ABI1: variants seen among roughly 807,000 people sequenced by gnomAD.
ABI1 encodes the protein abl interactor 1.
Under a neutral mutation model 54.6 loss-of-function variants are expected in ABI1, and 14 were observed. That is an observed-to-expected ratio of 0.26 (90% confidence interval 0.17 to 0.40). The LOEUF is 0.40. ABI1 is among the 10% of genes least tolerant of loss of function. The pLI, the probability that ABI1 is intolerant of heterozygous loss-of-function variation, is 1.00. For missense variants in ABI1, 443 were observed against 598.3 expected (o/e 0.74, Z 2.71); for synonymous variants, 194 against 209.3 (o/e 0.93, Z 0.63).
chr10:26,819,293 A>G (rs780357471), intron 2 of ABI1, among the ~76,000 whole-genome samples: 2 of 152,228 alleles, frequency 1.3e-5, no homozygotes, highest in African/African-American at 2.4e-5. Context: ...GGTTGTATTC[A>G]TATCAGACAA....
At chr10:26,811,020 CT>C (rs1485329334) in intron 2 of ABI1, among the ~76,000 whole-genome samples, 1 of 151,888 alleles carries the variant, frequency 6.6e-6, no homozygotes, top group Non-Finnish European at 1.5e-5. Context: ...TTTAGAGTAT[CT>C]TTTATTTAAT....
At position 26,748,545 on chromosome 10, in the gene ABI1, A is replaced by C; in HGVS notation, c.*25T>G. ...CCCACAGTATGACTGAGTAATAAGA[A>C]TCTACTTCAAAAGAAAAAAAAAAAT... On this transcript the variant is annotated 3_prime_UTR_variant, in exon 11 of 11. Coordinates refer to ENST00000376140, the MANE Select transcript of ABI1 (RefSeq NM_001012750.3). 6.4e-7 allele frequency: 1 copy of C among 1,554,632 alleles called. No homozygotes were observed. Among genetic ancestry groups the C allele is most frequent in the African/African-American group, 1.4e-5 (1 of 73,386 alleles).
intron 3 of ABI1, 37 bp downstream of exon 3, chr10:26,777,028 T>C (rs748216363): frequency 6.7e-7 from 1 of 1,496,226 alleles, no homozygotes; most frequent in East Asian, 2.3e-5. Flanking sequence ...TTACTGGATA[T>C]GCAAATTAGC....
intron 3 of ABI1, among the ~76,000 whole-genome samples, chr10:26,776,161 G>A (rs990996227): frequency 1.3e-5 from 2 of 152,144 alleles, no homozygotes; most frequent in African/African-American, 4.8e-5. Flanking sequence ...AAAGTGAAGA[G>A]GAGATTCCAA....
intron 1 of ABI1, among the ~76,000 whole-genome samples, chr10:26,843,560 GA>G (rs1564574301): frequency 7.7e-6 from 1 of 130,034 alleles, no homozygotes; most frequent in African/African-American, 2.8e-5. Flanking sequence ...ACTATAAAAG[GA>G]ATGTATTGCA....
At chr10:26,846,949 A>G (rs2050028895) in intron 1 of ABI1, among the ~76,000 whole-genome samples, 1 of 152,200 alleles carries the variant, frequency 6.6e-6, no homozygotes, top group Non-Finnish European at 1.5e-5. Flanking sequence ...CACCTGATGT[A>G]TACTTTCATG....
intron 2 of ABI1, among the ~76,000 whole-genome samples, chr10:26,818,631 C>CAAAAAAAAAAAAAAAAAAAAAAAAAAA (rs376157276): frequency 2.7e-5 from 2 of 73,090 alleles, no homozygotes; most frequent in African/African-American, 1.1e-4. Flanking sequence ...GACCCCGTCA[C>CAAAAAAAAAAAAAAAAAAAAAAAAAAA]AAAAAAAAAA....
At chr10:26,857,636 T>A (rs1300214648) in intron 1 of ABI1, among the ~76,000 whole-genome samples, 8 of 132,680 alleles carry the variant, frequency 6.0e-5, no homozygotes, top group African/African-American at 2.4e-4. Context: ...AGAGCAAGAC[T>A]GTGTCTCAAA....
chr10:26,817,203 T>C (rs1386452717), intron 2 of ABI1, among the ~76,000 whole-genome samples: 1 of 152,130 alleles, frequency 6.6e-6, no homozygotes, highest in Non-Finnish European at 1.5e-5. Flanking sequence ...TTTCACCATG[T>C]TGGCCAGGCT....
chr10:26,765,320 T>C lies in ABI1; in HGVS notation c.720-2A>G, dbSNP rs750324161. 1.3e-6 allele frequency: 2 copies of C among 1,567,634 alleles called. No homozygotes were observed. The highest frequency in any genetic ancestry group is 1.7e-4 in the Middle Eastern group (1 of 5,952). ...CTTCCACTTCCTCCACTACTTCCACTGAAAAGAAAAAAAAAAACTGTGAAA... is the reference window on the plus strand; with the variant it reads ...CTTCCACTTCCTCCACTACTTCCACCGAAAAGAAAAAAAAAAACTGTGAAA... On this transcript the variant is annotated splice_acceptor_variant, in intron 6 of 10. Transcript: ENST00000376140. LOFTEE classifies it high-confidence loss of function.
At chr10:26,816,955 T>A (rs1461680400) in intron 2 of ABI1, among the ~76,000 whole-genome samples, 1 of 151,644 alleles carries the variant, frequency 6.6e-6, no homozygotes, top group African/African-American at 2.4e-5. Context: ...TAGGTTCTAT[T>A]ATATTTTTCC....
chr10:26,813,127 T>C lies in ABI1; in HGVS notation c.285+10011A>G, dbSNP rs557188425. Among the ~76,000 whole-genome samples, 10 of 152,120 alleles carry C rather than the reference T, an allele frequency of 6.6e-5. No individual in the cohort carries two copies. In the East Asian group the frequency reaches 1.9e-3, roughly 29 times the overall value. On this transcript the variant is annotated intron_variant, in intron 2 of 10. Transcript: ENST00000376140. Reference sequence around the variant, plus strand: ...ACCTAGGTGTGGTGGTGCACACCTGTAATCCTAGCTACTTGGGAGGCTGAG... The same window carrying C: ...ACCTAGGTGTGGTGGTGCACACCTGCAATCCTAGCTACTTGGGAGGCTGAG...
intron 6 of ABI1, among the ~76,000 whole-genome samples, chr10:26,766,658 G>A (rs1341404784): frequency 2.6e-5 from 4 of 152,132 alleles, no homozygotes; most frequent in Admixed American, 2.6e-4. Context: ...CTGCATCATA[G>A]ACATATGAAT....
chr10:26,835,593 T>A (rs920166126), intron 1 of ABI1, among the ~76,000 whole-genome samples: 4 of 147,406 alleles, frequency 2.7e-5, no homozygotes, highest in Admixed American at 6.8e-5. Context: ...AAAAAAAAAA[T>A]TATTCTATAC....
At chr10:26,829,522 C>T (rs776662777) in intron 1 of ABI1, among the ~76,000 whole-genome samples, 3 of 152,130 alleles carry the variant, frequency 2.0e-5, no homozygotes, top group Non-Finnish European at 2.9e-5. Context: ...ATTAGCTTAA[C>T]TTAGACATTC....
intron 2 of ABI1, among the ~76,000 whole-genome samples, chr10:26,787,536 CACA>C (rs1041079083): frequency 1.2e-4 from 19 of 152,224 alleles, no homozygotes; most frequent in African/African-American, 4.1e-4. Flanking sequence ...AAGTCCAAAA[CACA>C]ACATGTCCAG....
At chr10:26,809,517 C>T (rs890256912) in intron 2 of ABI1, among the ~76,000 whole-genome samples, 2 of 151,960 alleles carry the variant, frequency 1.3e-5, no homozygotes, top group African/African-American at 2.4e-5. Flanking sequence ...ATGATCACAC[C>T]ATTGCACACC....
At chr10:26,749,685 T>C (rs1421636653) in intron 10 of ABI1, among the ~76,000 whole-genome samples, 2 of 152,198 alleles carry the variant, frequency 1.3e-5, no homozygotes, top group African/African-American at 4.8e-5. Flanking sequence ...TATATTCACT[T>C]CCTTTGCAAA....
chr10:26,797,904 A>G (rs996932694), intron 2 of ABI1, among the ~76,000 whole-genome samples: 1 of 152,214 alleles, frequency 6.6e-6, no homozygotes, highest in Non-Finnish European at 1.5e-5. Context: ...GTCTTGTTAA[A>G]GTCATTATTA....
Sources: allele counts gnomAD v4.1 joint callset (sites outside exome capture counted in the v4.1 genomes callset), GRCh38; gene constraint gnomAD v4.1.1; transcripts MANE v1.5; gene names NCBI Gene and HGNC (gene_info 2026-07-23, HGNC 2026-07-21).